Variants in PDE10A observed in about 807,000 individuals in gnomAD.
PDE10A encodes the protein cAMP and cAMP-inhibited cGMP 3',5'-cyclic phosphodiesterase 10A.
In PDE10A, 39 loss-of-function variants were observed where a neutral mutation model predicts 97.7. The observed-to-expected ratio is 0.40, with a 90% CI of 0.31 to 0.52. The LOEUF is 0.52. Among genes scored for constraint, PDE10A ranks in the 20% least tolerant of loss-of-function variants. The pLI, the probability that PDE10A is intolerant of heterozygous loss-of-function variation, is 0.56. For missense variants in PDE10A, 731 were observed against 1,047.8 expected, an observed-to-expected ratio of 0.70 and a Z score of 4.17; for synonymous variants, 371 against 376.8, an observed-to-expected ratio of 0.98 and a Z score of 0.18.
intron 17 of PDE10A, among the ~76,000 whole-genome samples, chr6:165,381,038 C>T (rs1362469012): frequency 1.7e-5 from 2 of 116,600 alleles, no homozygotes; most frequent in South Asian, 2.5e-4. Flanking sequence ...TATTTGTATG[C>T]TTTACTCTCT....
chr6:165,639,604 T>G (rs1453623908), intron 1 of PDE10A, among the ~76,000 whole-genome samples: 1 of 151,722 alleles, frequency 6.6e-6, no homozygotes, highest in Non-Finnish European at 1.5e-5. Context: ...CCAGGCATGG[T>G]GATGGATGCC....
chr6:165,935,581 G>A (rs1783296993), intron 1 of PDE10A, among the ~76,000 whole-genome samples: 1 of 152,236 alleles, frequency 6.6e-6, no homozygotes, highest in South Asian at 2.1e-4. Flanking sequence ...TAGCAGGAAT[G>A]GAGGAGAGTG....
Position 165,403,307 on chromosome 6 carries a change from G to A in PDE10A, c.2077-6848C>T, listed in dbSNP as rs534584068. On this transcript the variant is annotated intron_variant, in intron 13 of 21. Transcript: ENST00000539869. ...TTTTCTGTTGTGGCAGTGGTGCACC[G>A]AACTGGCTTGCAAGAGCCAATTATG... is the stretch of plus-strand genomic sequence containing the variant. Among the ~76,000 whole-genome samples the A allele has an allele frequency of 3.9e-5, 6 of 152,268 alleles. No homozygotes were observed. The South Asian group carries it at 6.2e-4, about 16-fold the overall frequency.
At chr6:165,460,242 T>C (rs1300910865) in intron 3 of PDE10A, among the ~76,000 whole-genome samples, 1 of 152,222 alleles carries the variant, frequency 6.6e-6, no homozygotes, top group African/African-American at 2.4e-5. Context: ...GGATTACTTT[T>C]AGGAAAGTCT....
chr6:165,440,442 C>T (rs1790356635), intron 5 of PDE10A, among the ~76,000 whole-genome samples: 1 of 152,078 alleles, frequency 6.6e-6, no homozygotes, highest in Admixed American at 6.6e-5. Context: ...TAATAAAAAT[C>T]AAGTAACAAA....
chr6:165,870,301 A>C (rs929067551), intron 1 of PDE10A, among the ~76,000 whole-genome samples: 1 of 152,172 alleles, frequency 6.6e-6, no homozygotes, highest in African/African-American at 2.4e-5. Context: ...GACCTGAATA[A>C]ATATTTCTCA....
At chr6:165,732,338 C>G (rs1305973069) in intron 1 of PDE10A, among the ~76,000 whole-genome samples, 1 of 152,184 alleles carries the variant, frequency 6.6e-6, no homozygotes, top group East Asian at 1.9e-4. Context: ...GGGCTGGAAG[C>G]TGACCTGCCC....
chr6:165,650,047 T>C lies in PDE10A; in HGVS notation c.865+11900A>G, dbSNP rs144961304. Among the ~76,000 whole-genome samples the C allele has an allele frequency of 3.8e-4, 58 of 152,266 alleles. No homozygotes were observed. In the East Asian group the frequency reaches 0.011, roughly 29 times the overall value. ...ATGCGTGCAATTTTTTTAATATTCA[T>C]CGTTTGACATTTTGGGATCTTGTGT... On this transcript the variant is annotated intron_variant, in intron 1 of 21. Coordinates refer to ENST00000539869, the MANE Select transcript of PDE10A (RefSeq NM_001385079.1).
chr6:165,783,374 T>C (rs906932420), intron 1 of PDE10A, among the ~76,000 whole-genome samples: 6 of 152,226 alleles, frequency 3.9e-5, no homozygotes, highest in Non-Finnish European at 8.8e-5. Context: ...TTTAGATTTT[T>C]ATCCCCCACT....
chr6:165,902,752 C>T (rs1319166724), intron 1 of PDE10A, among the ~76,000 whole-genome samples: 1 of 152,146 alleles, frequency 6.6e-6, no homozygotes, highest in Non-Finnish European at 1.5e-5. Flanking sequence ...AGCATTGTTT[C>T]TGGGCCAAGA....
intron 1 of PDE10A, among the ~76,000 whole-genome samples, chr6:165,585,424 G>C (rs1424683374): frequency 6.6e-6 from 1 of 152,162 alleles, no homozygotes; most frequent in Non-Finnish European, 1.5e-5. Flanking sequence ...ACAGTCCATT[G>C]ACTTTAAGGA....
chr6:165,961,166 C>T (rs697463), intron 1 of PDE10A, among the ~76,000 whole-genome samples: 79,982 of 151,890 alleles, frequency 0.53, 23,347 homozygotes, highest in East Asian at 0.84. Flanking sequence ...TGCTGAGAGC[C>T]CTAAAGCTTA....
At chr6:165,929,520 G>A (rs748946029) in intron 1 of PDE10A, among the ~76,000 whole-genome samples, 5 of 152,210 alleles carry the variant, frequency 3.3e-5, no homozygotes, top group East Asian at 3.8e-4. Context: ...CACGGGACCC[G>A]GAGTGACCAC....
At chr6:165,901,861 C>T (rs1330762916) in intron 1 of PDE10A, among the ~76,000 whole-genome samples, 1 of 92,230 alleles carries the variant, frequency 1.1e-5, no homozygotes, top group African/African-American at 4.6e-5. Flanking sequence ...TTTATTTGTC[C>T]CCATGACTAA....
At chr6:165,685,148 T>C (rs1031553328) in intron 1 of PDE10A, among the ~76,000 whole-genome samples, 3 of 152,176 alleles carry the variant, frequency 2.0e-5, no homozygotes, top group African/African-American at 7.2e-5. Context: ...AATTTTCCTC[T>C]TCATCAGGGG....
chr6:165,916,615 G>A (rs913526936), intron 1 of PDE10A, among the ~76,000 whole-genome samples: 4 of 152,288 alleles, frequency 2.6e-5, no homozygotes, highest in South Asian at 2.1e-4. Flanking sequence ...ATCTTCTCCC[G>A]CTTGGAGCCA....
chr6:165,784,673 C>T (rs767102393), intron 1 of PDE10A, among the ~76,000 whole-genome samples: 3 of 152,168 alleles, frequency 2.0e-5, no homozygotes, highest in Admixed American at 1.3e-4. Context: ...AGGTCACATT[C>T]GCTGGTCAGA....
intron 1 of PDE10A, among the ~76,000 whole-genome samples, chr6:165,767,824 T>G (rs371340497): frequency 2.0e-4 from 30 of 152,348 alleles, no homozygotes; most frequent in South Asian, 4.1e-4. Context: ...ACTCTCTCTA[T>G]GTTTGATTTT....
At chr6:165,410,492 T>TAG (rs1554257486) in intron 13 of PDE10A, among the ~76,000 whole-genome samples, 19,221 of 78,474 alleles carry the variant, frequency 0.24, 1,766 homozygotes, top group African/African-American at 0.48. Context: ...ATGAGATGGC[T>TAG]AGAGCATTCT....
Sources: gnomAD v4.1 joint callset for allele counts (sites outside exome capture counted in the v4.1 genomes callset) on GRCh38, gnomAD v4.1.1 for gene constraint, MANE v1.5 for transcripts, NCBI Gene and HGNC (gene_info 2026-07-23, HGNC 2026-07-21) for gene names.